MCF2L: variants seen among roughly 807,000 people sequenced by gnomAD.
MCF2L encodes guanine nucleotide exchange factor DBS.
A neutral mutation model predicts 153.4 loss-of-function variants in MCF2L; 97 were observed. The observed-to-expected ratio is 0.63, with a 90% CI of 0.54 to 0.75. The LOEUF (loss-of-function observed/expected upper bound fraction) is 0.75, where lower values mean the gene tolerates loss of function less well. MCF2L is among the 30% of genes least tolerant of loss of function. The pLI is 0.00. For synonymous variants in MCF2L, 659 were observed against 632.2 expected (o/e 1.04, Z -0.64); for missense variants, 1,347 against 1,495.2 (o/e 0.90, Z 1.64).
intron 27 of MCF2L, 67 bp downstream of exon 27, chr13:113,094,702 G>T: frequency 6.5e-7 from 1 of 1,548,758 alleles, no homozygotes; most frequent in Non-Finnish European, 8.7e-7. Flanking sequence ...GGTGCTTCTG[G>T]CAGGTCCACC....
chr13:113,092,312 A>G (rs1266834692), intron 26 of MCF2L, among the ~76,000 whole-genome samples: 1 of 152,222 alleles, frequency 6.6e-6, no homozygotes, highest in Non-Finnish European at 1.5e-5. Flanking sequence ...GTCTCGAGAA[A>G]GCCAGTGTGG....
At chr13:113,057,444 GTGGGTGCTGAGTGTTTTGGCAC>G (rs2030249212) in intron 4 of MCF2L, among the ~76,000 whole-genome samples, 1 of 143,148 alleles carries the variant, frequency 7.0e-6, no homozygotes, top group Admixed American at 6.9e-5. Flanking sequence ...TGGGCACTGA[GTGGGTGCTGAGTGTTTTGGCAC>G]TGGGTGCTGA....
chr13:113,051,649 G>A (rs1471963012), intron 4 of MCF2L, among the ~76,000 whole-genome samples: 1 of 152,216 alleles, frequency 6.6e-6, no homozygotes, highest in East Asian at 1.9e-4. Flanking sequence ...GAATAACAAG[G>A]TTGTCTTAGT....
At position 113,081,002 on chromosome 13, in the gene MCF2L, C is replaced by G. The variant is rs185216834; in HGVS notation, c.1809-211C>G. Among the ~76,000 whole-genome samples, 430 of 152,338 alleles carry G rather than the reference C, an allele frequency of 2.8e-3. 3 individuals carry two copies. The highest frequency in any genetic ancestry group is 4.9e-3 in the Non-Finnish European group (333 of 68,022). ...AGACACTGCCGGCCAGTCTGGGAAC[C>G]AGGGAGGCTTCAGCCGCCGTCTGCA... On this transcript the variant is annotated intron_variant, in intron 15 of 29. Coordinates refer to ENST00000535094, the MANE Select transcript of MCF2L (RefSeq NM_001112732.3).
At position 112,993,041 on chromosome 13, in the gene MCF2L, G is replaced by A. The variant is rs145213941; in HGVS notation, c.80-21722G>A. Among the ~76,000 whole-genome samples, 209 of 152,388 alleles carry A rather than the reference G, an allele frequency of 1.4e-3. No individual in the cohort carries two copies. The highest frequency in any genetic ancestry group is 4.9e-3 in the African/African-American group (204 of 41,602). On this transcript the variant is annotated intron_variant, in intron 1 of 29. Coordinates refer to ENST00000535094, the MANE Select transcript of MCF2L (RefSeq NM_001112732.3). The surrounding 1 kb of genome is among the most constrained non-coding windows in gnomAD (Gnocchi z 4.6). ...GCAGGAGTCCATGGGCCATGGGGGT[G>A]AGGAGAGAGCGGCTCGCTGCCTTGA... is the stretch of plus-strand genomic sequence containing the variant.
intron 1 of MCF2L, chr13:113,001,742 G>C: frequency 7.3e-7 from 1 of 1,364,222 alleles, no homozygotes; most frequent in East Asian, 3.0e-5. Flanking sequence ...GCCCTGGGAG[G>C]AGCAGCCGGC....
At chr13:113,091,107 T>C (rs1161423274) in intron 26 of MCF2L, 2 of 1,304,230 alleles carry the variant, frequency 1.5e-6, no homozygotes, top group African/African-American at 3.0e-5. Context: ...TTCTGCCTCC[T>C]CCTCCTCTTG....
At chr13:112,897,371 C>T (rs964882557) in intron 1 of MCF2L, among the ~76,000 whole-genome samples, 6 of 152,100 alleles carry the variant, frequency 3.9e-5, no homozygotes, top group African/African-American at 1.2e-4. Flanking sequence ...CTGCCCCAGC[C>T]GGCTCTGCGG....
At chr13:112,964,254 T>C (rs146613017), upstream of MCF2L, among the ~76,000 whole-genome samples, 1,734 of 152,342 alleles carry the variant, frequency 0.011, 79 homozygotes, top group Admixed American at 0.081. Flanking sequence ...CTTTGAGTTG[T>C]GGTTCTTGCC....
rs549783737 is a variant in MCF2L, at chr13:112,951,504, T to C, written c.169+49133T>C. Among the ~76,000 whole-genome samples, 94 of 152,356 alleles carry C rather than the reference T, an allele frequency of 6.2e-4. No homozygotes were observed. The highest frequency in any genetic ancestry group is 1.1e-3 in the Non-Finnish European group (76 of 68,034). ...AATTGTACGTCCGCACCATGAACTA[T>C]TGATACCTGTGACAACCTGGATGAA... On this transcript the variant is annotated intron_variant, in intron 2 of 29. Transcript: ENST00000375608. The surrounding 1 kb of genome is among the most constrained non-coding windows in gnomAD (Gnocchi z 4.8).
At chr13:112,899,431 G>A (rs1374189792) in intron 1 of MCF2L, among the ~76,000 whole-genome samples, 2 of 152,202 alleles carry the variant, frequency 1.3e-5, no homozygotes, top group East Asian at 1.9e-4. Context: ...GACGTGAACA[G>A]GACTGCGTCT....
At chr13:112,945,738 G>C (rs1282285424) in intron 2 of MCF2L, among the ~76,000 whole-genome samples, 1 of 152,236 alleles carries the variant, frequency 6.6e-6, no homozygotes, top group African/African-American at 2.4e-5. Context: ...GTGGGAGAAT[G>C]ATAAAGTGTG....
intron 1 of MCF2L, chr13:112,979,725 A>C (rs760226565): frequency 3.7e-6 from 6 of 1,612,362 alleles, no homozygotes; most frequent in Non-Finnish European, 5.1e-6. Context: ...ACTGCCCAGG[A>C]GGCGCCGGGG....
chr13:113,052,093 G>A (rs544500017), intron 4 of MCF2L, among the ~76,000 whole-genome samples: 198 of 152,356 alleles, frequency 1.3e-3, no homozygotes, highest in Non-Finnish European at 2.2e-3. Flanking sequence ...GTGAGTGGGT[G>A]AGGTGACAGA....
Position 113,096,876 on chromosome 13 carries a change from G to C in MCF2L, c.*17G>C. On this transcript the variant is annotated 3_prime_UTR_variant, in exon 30 of 30. Coordinates refer to ENST00000535094, the MANE Select transcript of MCF2L (RefSeq NM_001112732.3). ...CAGGGGTAGCGCGGCCTCGGCGCCG[G>C]AGACCCGCGCGCTGTCTGGGGCTGC... 1 of 1,400,978 alleles carries C rather than the reference G, an allele frequency of 7.1e-7. No homozygotes were observed. Among genetic ancestry groups the C allele is most frequent in the Non-Finnish European group, 9.2e-7 (1 of 1,084,058 alleles). The allele number at this position is 1,400,978 out of a possible 1,614,324, so 86.8% of individuals were successfully genotyped here. A position where few individuals can be genotyped will look rare whatever the true frequency, so the allele number is the denominator to read the frequency against.
At chr13:112,902,364 G>T (rs753973595) in exon 2 of MCF2L, 2 of 1,612,312 alleles carry the variant, frequency 1.2e-6, no homozygotes, top group South Asian at 2.2e-5. Flanking sequence ...CGACGGCCAT[G>T]GCCACAGGTA....
chr13:112,982,709 G>A (rs1169598773), intron 1 of MCF2L, among the ~76,000 whole-genome samples: 1 of 152,206 alleles, frequency 6.6e-6, no homozygotes, highest in African/African-American at 2.4e-5. Flanking sequence ...CCTCAGGACA[G>A]GGTGAGCTGT....
At chr13:113,037,592 A>C (rs1035097868) in intron 3 of MCF2L, among the ~76,000 whole-genome samples, 1 of 152,218 alleles carries the variant, frequency 6.6e-6, no homozygotes, top group Non-Finnish European at 1.5e-5. Context: ...TCTTGTAGCC[A>C]ACTGATATTT....
chr13:113,059,932 C>G (rs577331074), intron 4 of MCF2L, among the ~76,000 whole-genome samples: 10 of 152,354 alleles, frequency 6.6e-5, no homozygotes, highest in Non-Finnish European at 1.0e-4. Flanking sequence ...GTCTTGGTTT[C>G]CTGGGGCCAT....
Sources: allele counts gnomAD v4.1 joint callset (sites outside exome capture counted in the v4.1 genomes callset), GRCh38; gene constraint gnomAD v4.1.1; non-coding constraint Gnocchi (gnomAD v3.1); transcripts MANE v1.5; gene names NCBI Gene and HGNC (gene_info 2026-07-23, HGNC 2026-07-21).